The following COL5A1 variants were observed in gnomAD, a reference collection of about 807,000 sequenced individuals.
The protein encoded by COL5A1 is collagen type V alpha 1 chain.
In COL5A1, 16 loss-of-function variants were observed where a neutral mutation model predicts 263.7. The observed-to-expected ratio is 0.06, with a 90% CI of 0.04 to 0.09. COL5A1 has a LOEUF of 0.09. Among genes scored for constraint, COL5A1 ranks in the 10% least tolerant of loss-of-function variants. The pLI is 1.00. For missense variants in COL5A1, 2,036 were observed against 2,540.5 expected, an observed-to-expected ratio of 0.80 and a Z score of 4.27; for synonymous variants, 1,012 against 1,004.5, an observed-to-expected ratio of 1.01 and a Z score of -0.14.
rs532888510 is a variant in COL5A1, at chr9:134,821,272, C to G, written c.4555-825C>G. On this transcript the variant is annotated intron_variant, in intron 58 of 65. Transcript: ENST00000371817. This position sits in a 1 kb window ranked among gnomAD's most constrained non-coding sequence, Gnocchi z 4.2. The stretch of plus-strand genomic sequence containing the variant: ...TTTGCTCACCTGCCCTCACCCCAAA[C>G]CATGGTCTTGGCGGCATTGCTGATG... 2.5e-3 allele frequency among the ~76,000 whole-genome samples: 373 copies of G among 152,244 alleles called. 3 individuals carry two copies. Among genetic ancestry groups the G allele is most frequent in the African/African-American group, 7.7e-3 (321 of 41,536 alleles).
rs1195063313 is a variant in COL5A1, at chr9:134,809,504, A to G, written c.3474+214A>G. On this transcript the variant is annotated intron_variant, in intron 43 of 65. Coordinates refer to ENST00000371817, the MANE Select transcript of COL5A1 (RefSeq NM_000093.5). ...ACGCCGTCCCCGGCACGCTCGAGGG[A>G]CTTAGAAACCACACCCTCCTGTGTC... is the stretch of plus-strand genomic sequence containing the variant. Among the ~76,000 whole-genome samples the G allele has an allele frequency of 2.0e-5, 3 of 152,192 alleles. No homozygotes were observed. The East Asian group carries it at 5.8e-4, about 29-fold the overall frequency.
chr9:134,744,501 GCACA>G (rs373392918), intron 11 of COL5A1, among the ~76,000 whole-genome samples: 1 of 148,652 alleles, frequency 6.7e-6, no homozygotes, highest in South Asian at 2.1e-4. Flanking sequence ...ACCCACACCT[GCACA>G]CACTCATGCA....
At chr9:134,724,117 GC>G (rs1564412332) in intron 4 of COL5A1, among the ~76,000 whole-genome samples, 2 of 152,020 alleles carry the variant, frequency 1.3e-5, no homozygotes, top group African/African-American at 4.8e-5. Flanking sequence ...CTGCTGTTGG[GC>G]CCCCACCCTG....
Position 134,789,125 on chromosome 9 carries a change from C to A in COL5A1, c.2647-30C>A. On this transcript the variant is annotated intron_variant, in intron 31 of 65. Transcript: ENST00000371817. The surrounding 1 kb of genome is among the most constrained non-coding windows in gnomAD (Gnocchi z 4.8). Reference sequence around the variant, plus strand: ...AGCATGACTCATTCCTGGCCCAGCTCTGATGCCTCCTCCTTAAACTCTCTT... The same window carrying A: ...AGCATGACTCATTCCTGGCCCAGCTATGATGCCTCCTCCTTAAACTCTCTT... 2 of 1,609,582 alleles carry A rather than the reference C, an allele frequency of 1.2e-6. No individual in the cohort carries two copies. Among genetic ancestry groups the A allele is most frequent in the Non-Finnish European group, 1.7e-6 (2 of 1,177,086 alleles).
chr9:134,669,249 T>C (rs866677978), intron 1 of COL5A1, among the ~76,000 whole-genome samples: 121 of 61,366 alleles, frequency 2.0e-3, no homozygotes, highest in East Asian at 3.4e-3. Flanking sequence ...TCCCTTCCCT[T>C]CCCTTCCCTT....
chr9:134,823,894 T>C (rs918915044), intron 61 of COL5A1, among the ~76,000 whole-genome samples: 3 of 152,024 alleles, frequency 2.0e-5, no homozygotes, highest in African/African-American at 7.2e-5. Context: ...TGGGTATGCA[T>C]GCATATATGT....
chr9:134,658,710 T>G (rs1588412687), intron 1 of COL5A1, among the ~76,000 whole-genome samples: 1 of 151,454 alleles, frequency 6.6e-6, no homozygotes, highest in African/African-American at 2.4e-5. Flanking sequence ...CCCTGGAGGG[T>G]GGCGGGGGGT....
rs370579838 is a variant in COL5A1, at chr9:134,785,944, C to T, written c.2593-51C>T. 6.3e-5 allele frequency: 97 copies of T among 1,529,406 alleles called. 1 individual carries two copies. Among genetic ancestry groups the T allele is most frequent in the South Asian group, 3.8e-4 (33 of 87,930 alleles). 94.7% of individuals were successfully genotyped at this position (1,529,406 alleles called of 1,614,324 possible). On this transcript the variant is annotated intron_variant, in intron 30 of 65. Coordinates refer to ENST00000371817, the MANE Select transcript of COL5A1 (RefSeq NM_000093.5). Reference sequence around the variant, plus strand: ...GTCCTTTCTCTCTGCTCCGGGGAAACGGATGGAGCAATACCGTGCTGGCCA... The same window carrying T: ...GTCCTTTCTCTCTGCTCCGGGGAAATGGATGGAGCAATACCGTGCTGGCCA...
rs568853873 is a variant in COL5A1 at position 134,811,602 on chromosome 9, A to G, written c.3690+3A>G. On this transcript the variant is annotated splice_donor_region_variant and intron_variant, in intron 46 of 65. Transcript: ENST00000371817. Reference sequence around the variant, plus strand: ...CCCCTGGGCCAGTGGGGCTGCAGGTAACTGTGGGGTTCTCACCACACCGGG... The same window carrying G: ...CCCCTGGGCCAGTGGGGCTGCAGGTGACTGTGGGGTTCTCACCACACCGGG... 6.4e-7 allele frequency: 1 copy of G among 1,552,846 alleles called. No individual in the cohort carries two copies. Among genetic ancestry groups the G allele is most frequent in the South Asian group, 1.2e-5 (1 of 84,900 alleles).
At position 134,738,732 on chromosome 9, in the gene COL5A1, AT is replaced by A; in HGVS notation, c.1432-9del. 1 of 1,610,490 alleles carries A rather than the reference AT, an allele frequency of 6.2e-7. No homozygotes were observed. The highest frequency in any genetic ancestry group is 8.5e-7 in the Non-Finnish European group (1 of 1,177,094). ...CCCATCTTCTAACTGCCCCAACTTT[AT>A]TTTTAATTCTAGGGTCTTCCCGGAC... On this transcript the variant is annotated splice_polypyrimidine_tract_variant and intron_variant, in intron 10 of 65. Transcript: ENST00000371817.
chr9:134,802,052 T>C, intron 38 of COL5A1, 45 bp downstream of exon 38: 1 of 1,588,686 alleles, frequency 6.3e-7, no homozygotes, highest in Non-Finnish European at 8.6e-7. Context: ...TCGGTGTCAC[T>C]TGCCCACAGG....
chr9:134,802,922 G>A lies in COL5A1; in HGVS notation c.3041G>A (p.Arg1014His), dbSNP rs754184016. The change falls in exon 39 of 66, where the codon CGT (arginine) becomes CAT (histidine). Residue 1014 changes from arginine to histidine, a missense_variant. Physicochemically the swap from Arg to His is conservative, Grantham distance 29. Transcript: ENST00000371817. ...GGAGAAACGGGCCCAATGGGTGAGC[G>A]TGGCCACCCTGGGCCCCCTGGACCC... The part of the protein sequence containing the change: ...PTGETGPMGE[R>H]GHPGPPGPPG... 30 of 1,612,218 alleles carry A rather than the reference G, an allele frequency of 1.9e-5. No individual in the cohort carries two copies. Among genetic ancestry groups the A allele is most frequent in the Admixed American group, 5.0e-5 (3 of 59,908 alleles).
rs908921469 is a variant in COL5A1, at chr9:134,757,126, C to T, written c.1881+308C>T. 2.0e-5 allele frequency among the ~76,000 whole-genome samples: 3 copies of T among 152,076 alleles called. No homozygotes were observed. Among genetic ancestry groups the T allele is most frequent in the Non-Finnish European group, 4.4e-5 (3 of 68,016 alleles). On this transcript the variant is annotated intron_variant, in intron 17 of 65. Transcript: ENST00000371817. This position sits in a 1 kb window ranked among gnomAD's most constrained non-coding sequence, Gnocchi z 6.2. The stretch of plus-strand genomic sequence containing the variant: ...TGACGAGGCGCATGTAGGGCAGAGG[C>T]GGGGCATATGGCAAGTGCGGGGGCC...
chr9:134,791,620 C>G (rs143960220), intron 32 of COL5A1, among the ~76,000 whole-genome samples: 1 of 152,044 alleles, frequency 6.6e-6, no homozygotes, highest in East Asian at 1.9e-4. Context: ...GACCCTTCCT[C>G]TTTTGTTGAC....
chr9:134,804,079 G>A (rs1017744853), intron 39 of COL5A1, among the ~76,000 whole-genome samples: 1 of 152,058 alleles, frequency 6.6e-6, no homozygotes, highest in African/African-American at 2.4e-5. Flanking sequence ...CAGCCTGTAG[G>A]ACCACAGAAG....
intron 1 of COL5A1, among the ~76,000 whole-genome samples, chr9:134,655,866 T>C (rs1054166559): frequency 1.8e-4 from 27 of 152,290 alleles, no homozygotes; most frequent in African/African-American, 6.0e-4. Flanking sequence ...AGGGCTCCCC[T>C]GTCCTGCCCT....
rs1329805153 is a variant in COL5A1, at chr9:134,677,027, G to A, written c.110-13885G>A. Among the ~76,000 whole-genome samples, 1 of 152,206 alleles carries A rather than the reference G, an allele frequency of 6.6e-6. No individual in the cohort carries two copies. The highest frequency in any genetic ancestry group is 2.4e-5 in the African/African-American group (1 of 41,452). ...AAGTCCCTTGGAGCACCTGCTGCCA[G>A]TCCTGGGCTTGGGGAGGCCATGGAG... is the stretch of plus-strand genomic sequence containing the variant. On this transcript the variant is annotated intron_variant, in intron 1 of 65. Transcript: ENST00000371817. This position sits in a 1 kb window ranked among gnomAD's most constrained non-coding sequence, Gnocchi z 4.4.
chr9:134,760,542 C>CCA (rs750072534), intron 18 of COL5A1, among the ~76,000 whole-genome samples: 4 of 94,792 alleles, frequency 4.2e-5, no homozygotes, highest in African/African-American at 1.3e-4. Context: ...ACTCATACAC[C>CCA]CACACACACA....
At chr9:134,665,403 A>G (rs776866855) in intron 1 of COL5A1, among the ~76,000 whole-genome samples, 1 of 152,240 alleles carries the variant, frequency 6.6e-6, no homozygotes, top group Non-Finnish European at 1.5e-5. Context: ...GCTGAGGTAC[A>G]CCAATCTCCA....
Sources: gnomAD v4.1 joint callset for allele counts (sites outside exome capture counted in the v4.1 genomes callset) on GRCh38, gnomAD v4.1.1 for gene constraint, Gnocchi (gnomAD v3.1) non-coding constraint, MANE v1.5 for transcripts, NCBI Gene and HGNC (gene_info 2026-07-23, HGNC 2026-07-21) for gene names.